Variants in RCOR1 observed in about 807,000 individuals in gnomAD.
The protein encoded by RCOR1 is REST corepressor 1.
In RCOR1, 12 loss-of-function variants were observed where a neutral mutation model predicts 64.0. The ratio of observed to expected loss-of-function variants is 0.19; its 90% CI spans 0.12 to 0.30. The LOEUF (loss-of-function observed/expected upper bound fraction) is 0.30. RCOR1 is among the 10% of genes least tolerant of loss of function. The probability of loss-of-function intolerance (pLI) is 1.00; values close to 1 mark genes in which losing one functional copy is unlikely to be tolerated. For synonymous variants in RCOR1, 279 were observed against 227.2 expected (o/e 1.23, Z -2.05); for missense variants, 502 against 621.2 (o/e 0.81, Z 2.04).
chr14:102,597,766 C>G (rs144841203), intron 2 of RCOR1, among the ~76,000 whole-genome samples: 1 of 150,590 alleles, frequency 6.6e-6, no homozygotes, highest in East Asian at 2.0e-4. Context: ...CCTCAGTAGC[C>G]GGGATTACAG....
intron 2 of RCOR1, among the ~76,000 whole-genome samples, chr14:102,631,226 G>A (rs189642388): frequency 0.01 from 1,516 of 149,192 alleles, 14 homozygotes; most frequent in Admixed American, 0.015. Flanking sequence ...TTTTTGAGAC[G>A]GAGTCTTGCT....
intron 3 of RCOR1, among the ~76,000 whole-genome samples, chr14:102,699,755 ATT>A (rs397853295): frequency 4.3e-4 from 62 of 143,976 alleles, no homozygotes; most frequent in African/African-American, 1.2e-3. Context: ...ATGCTCCTTG[ATT>A]TTTTTTTTTT....
chr14:102,707,385 T>C lies in RCOR1; in HGVS notation c.533T>C (p.Ile178Thr), dbSNP rs1452437622. ...ATGCTCTTCTGGCATAAACATAATATCGAAAAGTCATTGGCTGATTTGCCC... is the reference window on the plus strand; with the variant it reads ...ATGCTCTTCTGGCATAAACATAATACCGAAAAGTCATTGGCTGATTTGCCC... ...LGMLFWHKHN[I>T]EKSLADLPNF... The change falls in exon 5 of 12, where the codon ATC (isoleucine) becomes ACC (threonine). Residue 178 changes from isoleucine (I) to threonine (T), a missense_variant. Physicochemically the swap from Ile to Thr is moderately conservative, Grantham distance 89 (BLOSUM62 -1). Coordinates refer to ENST00000262241, the MANE Select transcript of RCOR1 (RefSeq NM_015156.4). The C allele has an allele frequency of 2.5e-6, 4 of 1,612,926 alleles. No homozygotes were observed. The highest frequency in any genetic ancestry group is 1.1e-5 in the South Asian group (1 of 90,756).
intron 2 of RCOR1, among the ~76,000 whole-genome samples, chr14:102,609,771 A>C (rs959719194): frequency 5.9e-5 from 9 of 151,782 alleles, no homozygotes; most frequent in Non-Finnish European, 1.2e-4. Flanking sequence ...TGAGATGCTT[A>C]GAGTAGTGGA....
chr14:102,677,899 A>G (rs1895221040), intron 2 of RCOR1, among the ~76,000 whole-genome samples: 1 of 151,814 alleles, frequency 6.6e-6, no homozygotes, highest in African/African-American at 2.4e-5. Context: ...ACTGCACTCC[A>G]GCCTGGGCAC....
rs924878674 is a variant in RCOR1 at position 102,726,955 on chromosome 14, A to AAAG, written c.*449_*450insAAG. ...CCGCGACCCTGTTGGCCTTCTAGAA[A>AAAG]GTTTCTTTTGTTCTTTTCTGAGACA... On this transcript the variant is annotated 3_prime_UTR_variant, in exon 12 of 12. Coordinates refer to ENST00000262241, the MANE Select transcript of RCOR1 (RefSeq NM_015156.4). The AAAG allele has an allele frequency of 6.2e-5, 10 of 161,732 alleles. No homozygotes were observed. The highest frequency in any genetic ancestry group is 6.5e-5 in the Admixed American group (1 of 15,490). 10.0% of individuals were successfully genotyped at this position (161,732 alleles called of 1,614,324 possible). A position where few individuals can be genotyped will look rare whatever the true frequency, so the allele number is the denominator to read the frequency against.
intron 2 of RCOR1, among the ~76,000 whole-genome samples, chr14:102,672,379 T>G (rs2139949699): frequency 1.3e-5 from 2 of 151,974 alleles, no homozygotes; most frequent in South Asian, 4.2e-4. Context: ...CCAGCTAATT[T>G]TTTTTTGTAT....
chr14:102,681,272 A>G (rs1449270095), intron 2 of RCOR1, among the ~76,000 whole-genome samples: 2 of 152,248 alleles, frequency 1.3e-5, no homozygotes, highest in Non-Finnish European at 2.9e-5. Flanking sequence ...ACCAGTGTGA[A>G]GGTATGGTCA....
rs374032473 is a variant in RCOR1 at position 102,625,150 on chromosome 14, C to T, written c.361+31825C>T. Among the ~76,000 whole-genome samples, 16 of 151,540 alleles carry T rather than the reference C, an allele frequency of 1.1e-4. No individual in the cohort carries two copies. The East Asian group carries it at 2.7e-3, about 26-fold the overall frequency. On this transcript the variant is annotated intron_variant, in intron 2 of 11. Coordinates refer to ENST00000262241, the MANE Select transcript of RCOR1 (RefSeq NM_015156.4). ...TGGGCCTCCCAAAGTGTTGGGATTA[C>T]GGGCGTGAACCACTGTGCCTGGCCT...
Position 102,714,567 on chromosome 14 carries a change from A to G in RCOR1, c.1003A>G (p.Thr335Ala), listed in dbSNP as rs769271554. 1.2e-5 allele frequency: 20 copies of G among 1,613,654 alleles called. No homozygotes were observed. In the South Asian group the frequency reaches 1.9e-4, roughly 15 times the overall value. ...EAVSANATAA[T>A]TVLRQLDMEL... is the part of the protein sequence containing the mutation. ...TGTTTCTGCCAATGCCACTGCTGCT[A>G]CCACGGTGCTGAGACAACTAGACAT... Residue 335 changes from threonine (T) to alanine (A), a missense_variant, in exon 8 of 12, where the codon ACC becomes GCC. Transcript: ENST00000262241.
chr14:102,615,515 C>A (rs1463873736), intron 2 of RCOR1, among the ~76,000 whole-genome samples: 1 of 146,518 alleles, frequency 6.8e-6, no homozygotes, highest in Non-Finnish European at 1.5e-5. Flanking sequence ...ATGGTGCGAT[C>A]TCGGCTCACC....
At chr14:102,644,662 A>C (rs1039912785) in intron 2 of RCOR1, among the ~76,000 whole-genome samples, 1 of 152,198 alleles carries the variant, frequency 6.6e-6, no homozygotes, top group Admixed American at 6.5e-5. Context: ...AGCTGAACTC[A>C]TGTGACGTCA....
intron 3 of RCOR1, among the ~76,000 whole-genome samples, chr14:102,696,959 G>T (rs1222619836): frequency 6.6e-6 from 1 of 151,836 alleles, no homozygotes; most frequent in Non-Finnish European, 1.5e-5. Flanking sequence ...CCTACCAGCA[G>T]CTACTGGTAT....
intron 2 of RCOR1, among the ~76,000 whole-genome samples, chr14:102,595,610 C>G (rs1893225834): frequency 6.7e-6 from 1 of 149,488 alleles, no homozygotes; most frequent in Non-Finnish European, 1.5e-5. Flanking sequence ...CGGAGTCTTG[C>G]TCTGTCCCTC....
At chr14:102,603,155 C>CTGTA (rs1217553765) in intron 2 of RCOR1, among the ~76,000 whole-genome samples, 2 of 151,738 alleles carry the variant, frequency 1.3e-5, no homozygotes, top group Non-Finnish European at 2.9e-5. Flanking sequence ...TCATAGCGTA[C>CTGTA]TGTAGCCTTG....
intron 2 of RCOR1, among the ~76,000 whole-genome samples, chr14:102,660,416 A>T (rs977797035): frequency 2.7e-5 from 4 of 150,198 alleles, no homozygotes; most frequent in African/African-American, 9.8e-5. Context: ...ATGGGGTCTC[A>T]TTCTGTCACC....
chr14:102,679,530 G>A (rs1258106704), intron 2 of RCOR1, among the ~76,000 whole-genome samples: 1 of 150,894 alleles, frequency 6.6e-6, no homozygotes, highest in Non-Finnish European at 1.5e-5. Flanking sequence ...CCAGGCTGGA[G>A]TGCAGTGGTG....
intron 2 of RCOR1, chr14:102,657,811 C>T: frequency 1.1e-6 from 1 of 918,722 alleles, no homozygotes; most frequent in Non-Finnish European, 1.3e-6. Context: ...GCACTCCAGC[C>T]TGGGCGACAG....
At chr14:102,694,794 G>A (rs1895611037) in intron 3 of RCOR1, among the ~76,000 whole-genome samples, 1 of 152,134 alleles carries the variant, frequency 6.6e-6, no homozygotes, top group Non-Finnish European at 1.5e-5. Context: ...AGCGAGGTGT[G>A]ATAACTCATT....
Sources: gnomAD v4.1 joint callset for allele counts (sites outside exome capture counted in the v4.1 genomes callset) on GRCh38, gnomAD v4.1.1 for gene constraint, MANE v1.5 for transcripts, NCBI Gene and HGNC (gene_info 2026-07-23, HGNC 2026-07-21) for gene names.